The following CRIP3 variants were observed in gnomAD, a reference collection of about 807,000 sequenced individuals.
CRIP3 encodes the protein cysteine-rich protein 3.
CRIP3 carries 23 observed loss-of-function variants against 30.3 expected under a neutral mutation model. The ratio of observed to expected loss-of-function variants is 0.76; its 90% CI spans 0.55 to 1.08. The LOEUF is 1.08. Ranked by LOEUF, CRIP3 falls within the 50% of genes least tolerant of loss-of-function variation. CRIP3 has a pLI of 0.00. For missense variants in CRIP3, 261 were observed against 259.3 expected, an observed-to-expected ratio of 1.01 and a Z score of -0.04; for synonymous variants, 89 against 97.6, an observed-to-expected ratio of 0.91 and a Z score of 0.52.
chr6:43,308,026 G>A (rs1044128741), intron 2 of CRIP3, 130 bp from the exon 3 acceptor site: 1 of 994,798 alleles, frequency 1.0e-6, no homozygotes, highest in Non-Finnish European at 1.5e-6. Flanking sequence ...GAGGGGTGGG[G>A]GATGGGCTGG....
intron 4 of CRIP3, 181 bp from the exon 5 acceptor site, chr6:43,306,698 AT>A: frequency 3.3e-6 from 2 of 599,540 alleles, no homozygotes; most frequent in Non-Finnish European, 6.0e-6. Context: ...CTCCTGCCCC[AT>A]CCCTATGTGT....
At chr6:43,305,942 C>A in intron 7 of CRIP3, 67 bp from the exon 8 acceptor site, 1 of 1,611,874 alleles carries the variant, frequency 6.2e-7, no homozygotes, top group Non-Finnish European at 8.5e-7. Context: ...CTAGAGGGAA[C>A]TTGGTGGGGG....
At position 43,306,106 on chromosome 6, in the gene CRIP3, A is replaced by G; in HGVS notation, c.514T>C (p.Cys172Arg). The G allele has an allele frequency of 1.9e-6, 3 of 1,614,020 alleles. No homozygotes were observed. The highest frequency in any genetic ancestry group is 2.5e-6 in the Non-Finnish European group (3 of 1,179,986). Residue 172 changes from cysteine to arginine, a missense_variant, in exon 7 of 8, where the codon TGC becomes CGC. By Grantham distance (180) the Cys-to-Arg change is radical. Transcript: ENST00000372569. ...AGGTAGCCGTAGCAGGGGACGTGGC[A>G]GTAGGGGACTCCATCATGCTGAGAC... ...SHAEHDGVPYCHVPCYGYLFG... is the reference protein window; with the variant it reads ...SHAEHDGVPYRHVPCYGYLFG...
chr6:43,307,487 C>T, intron 4 of CRIP3, 125 bp downstream of exon 4: 1 of 962,384 alleles, frequency 1.0e-6, no homozygotes, highest in Non-Finnish European at 1.4e-6. Context: ...GAAGACTTTG[C>T]CAAGAATGAA....
Position 43,307,687 on chromosome 6 carries a change from C to T in CRIP3, c.253G>A (p.Gly85Ser). 6.5e-7 allele frequency: 1 copy of T among 1,530,604 alleles called. No homozygotes were observed. Among genetic ancestry groups the T allele is most frequent in the Middle Eastern group, 1.7e-4 (1 of 5,748 alleles). The allele number at this position is 1,530,604 out of a possible 1,614,324, so 94.8% of individuals were successfully genotyped here. A position where few individuals can be genotyped will look rare whatever the true frequency, so the allele number is the denominator to read the frequency against. Residue 85 changes from glycine (G) to serine (S), a missense_variant, in exon 4 of 8, where the codon GGC becomes AGC. Transcript: ENST00000372569. ...YLYNPPTPSP[G>S]CTTPLSPSSF... ...CTGGGGCTGAGAGGAGTGGTGCAGC[C>T]AGGGCTGGGAGTGGGGGGATTGTAC...
rs1562119508 is a variant in CRIP3 at position 43,307,715 on chromosome 6, G to A, written c.225C>T (p.Tyr75=). 2 of 1,575,922 alleles carry A rather than the reference G, an allele frequency of 1.3e-6. No homozygotes were observed. Among genetic ancestry groups the A allele is most frequent in the Non-Finnish European group, 1.7e-6 (2 of 1,157,036 alleles). Residue 75 remains tyrosine, a synonymous_variant, in exon 4 of 8, where the codon TAC becomes TAT. Transcript: ENST00000372569. ...RGVNIGGVGS[Y]LYNPPTPSPG... Reference sequence around the variant, plus strand: ...GGCTGGGAGTGGGGGGATTGTACAAGTAGGAGCCTACACCACCAATGTTCA... The same window carrying A: ...GGCTGGGAGTGGGGGGATTGTACAAATAGGAGCCTACACCACCAATGTTCA...
chr6:43,307,480 G>T (rs927953822), intron 4 of CRIP3, 132 bp downstream of exon 4: 6 of 861,092 alleles, frequency 7.0e-6, no homozygotes, highest in Non-Finnish European at 9.8e-6. Context: ...AGATAGAGAA[G>T]ACTTTGCCAA....
At chr6:43,307,991 C>G (rs1352037607) in intron 2 of CRIP3, 95 bp from the exon 3 acceptor site, 1 of 1,378,550 alleles carries the variant, frequency 7.3e-7, no homozygotes, top group African/African-American at 1.4e-5. Flanking sequence ...TGTGTCTGTC[C>G]ACTGGCTGAG....
rs778813010 is a variant in CRIP3 at position 43,308,287 on chromosome 6, A to G, written c.138+28T>C. The G allele has an allele frequency of 2.6e-6, 4 of 1,565,710 alleles. No individual in the cohort carries two copies. The South Asian group carries it at 4.6e-5, about 18-fold the overall frequency. On this transcript the variant is annotated intron_variant, in intron 2 of 7. Coordinates refer to ENST00000372569, the MANE Select transcript of CRIP3 (RefSeq NM_206922.3). ...GGGGGTGGGAGGCAGTGATGTAAAC[A>G]GGGCAGTGCTCCCTGGCCAGGTCTT...
intron 3 of CRIP3, 22 bp downstream of exon 3, chr6:43,307,817 G>A: frequency 6.2e-7 from 1 of 1,613,744 alleles, no homozygotes; most frequent in Non-Finnish European, 8.5e-7. Flanking sequence ...CTGACCCATG[G>A]CCCCTTAAGG....
At position 43,308,328 on chromosome 6, in the gene CRIP3, C is replaced by A; in HGVS notation, c.125G>T (p.Gly42Val). 1 of 1,612,466 alleles carries A rather than the reference C, an allele frequency of 6.2e-7. No individual in the cohort carries two copies. The highest frequency in any genetic ancestry group is 8.5e-7 in the Non-Finnish European group (1 of 1,179,524). The part of the protein sequence containing the change: ...CERCHSILSP[G>V]GHAEHNGRPY... ...GCCAGGTCTTACCTCTGCATGCCCGCCAGGGGACAGGATGCTGTGGCAGCG... is the reference window on the plus strand; with the variant it reads ...GCCAGGTCTTACCTCTGCATGCCCGACAGGGGACAGGATGCTGTGGCAGCG... The change falls in exon 2 of 8, where the codon GGC becomes GTC. Residue 42 changes from glycine to valine, a missense_variant. By Grantham distance (109) the Gly-to-Val change is moderately radical. Coordinates refer to ENST00000372569, the MANE Select transcript of CRIP3 (RefSeq NM_206922.3).
chr6:43,307,908 C>CAG lies in CRIP3; in HGVS notation c.139-14_139-13dup. On this transcript the variant is annotated splice_polypyrimidine_tract_variant and intron_variant, in intron 2 of 7. Transcript: ENST00000372569. ...GGCCTCCCATTGTGCTGGGCACAAG[C>CAG]AGAGGGAAGTGGGTTACTCAAGGCC... is the stretch of plus-strand genomic sequence containing the variant. 2 of 1,613,336 alleles carry CAG rather than the reference C, an allele frequency of 1.2e-6. No individual in the cohort carries two copies. The highest frequency in any genetic ancestry group is 1.7e-6 in the Non-Finnish European group (2 of 1,179,934).
rs1177346513 is a variant in CRIP3, at chr6:43,305,636, A to G, written c.*178T>C. On this transcript the variant is annotated 3_prime_UTR_variant, in exon 8 of 8. Transcript: ENST00000372569. Reference sequence around the variant, plus strand: ...GTTCCCTAACCAGATAGAAATGGGAAAGGGAAAAAATTGGCAGAGAAAGTC... The same window carrying G: ...GTTCCCTAACCAGATAGAAATGGGAGAGGGAAAAAATTGGCAGAGAAAGTC... 12 of 761,146 alleles carry G rather than the reference A, an allele frequency of 1.6e-5. No homozygotes were observed. The allele number at this position is 761,146 out of a possible 1,614,324, so 47.1% of individuals were successfully genotyped here.
intron 5 of CRIP3, 61 bp downstream of exon 5, chr6:43,306,385 C>T (rs899060993): frequency 1.2e-6 from 2 of 1,605,864 alleles, no homozygotes; most frequent in Non-Finnish European, 8.5e-7. Context: ...CCTTGGATCA[C>T]CTCCCTCCCC....
At chr6:43,308,618 G>T in intron 1 of CRIP3, 132 bp downstream of exon 1, 2 of 1,159,026 alleles carry the variant, frequency 1.7e-6, no homozygotes, top group Non-Finnish European at 2.5e-6. Flanking sequence ...GGAGCGGGTG[G>T]TGCGGAGACT....
chr6:43,307,672 G>A lies in CRIP3; in HGVS notation c.268C>T (p.Leu90Phe), dbSNP rs762623605. Residue 90 changes from leucine to phenylalanine, a missense_variant, in exon 4 of 8, where the codon CTC becomes TTC. Leu to Phe is a conservative substitution (Grantham distance 22, BLOSUM62 0). Transcript: ENST00000372569. ...GGAGGGCTGAAGCTGCTGGGGCTGA[G>A]AGGAGTGGTGCAGCCAGGGCTGGGA... The part of the protein sequence containing the change: ...PTPSPGCTTP[L>F]SPSSFSPPRP... 2 of 1,515,716 alleles carry A rather than the reference G, an allele frequency of 1.3e-6. No individual in the cohort carries two copies. Among genetic ancestry groups the A allele is most frequent in the Admixed American group, 4.3e-5 (2 of 46,094 alleles). 93.9% of individuals were successfully genotyped at this position (1,515,716 alleles called of 1,614,324 possible).
Position 43,306,258 on chromosome 6 carries a change from C to T in CRIP3, c.456G>A (p.Gln152=), listed in dbSNP as rs747534777. 1.1e-5 allele frequency: 18 copies of T among 1,614,096 alleles called. No homozygotes were observed. In the South Asian group the frequency reaches 1.2e-4, roughly 11 times the overall value. Residue 152 remains glutamine (Q), a synonymous_variant, in exon 6 of 8, where the codon CAG becomes CAA. Transcript: ENST00000372569. ...RNWHRPCLRC[Q]RCHKTLTAGS... ...CAGCAGTCAGGGTCTTGTGGCAACG[C>T]TGGCACCTCAGACACGGTCGGTGCC...
At position 43,306,499 on chromosome 6, in the gene CRIP3, G is replaced by A. The variant is rs1421810071; in HGVS notation, c.347C>T (p.Thr116Ile). The A allele has an allele frequency of 1.2e-6, 2 of 1,609,946 alleles. No individual in the cohort carries two copies. Among genetic ancestry groups the A allele is most frequent in the Admixed American group, 1.7e-5 (1 of 59,546 alleles). Residue 116 changes from threonine (T) to isoleucine (I), a missense_variant, in exon 5 of 8, where the codon ACA (threonine) becomes ATA (isoleucine). Thr to Ile is a moderately conservative substitution (Grantham distance 89, BLOSUM62 -1). Transcript: ENST00000372569. ...GCACAGCGAGGTCTCCCCAGTGAAT[G>A]TCTTCATATGGGGAGGGCCTTTAAA... is the stretch of plus-strand genomic sequence containing the variant. ...QGKKSPPHMKTFTGETSLCPG... is the reference protein window; with the variant it reads ...QGKKSPPHMKIFTGETSLCPG...
At chr6:43,306,359 T>C (rs771473394) in intron 5 of CRIP3, 46 bp from the exon 6 acceptor site, 21 of 1,603,562 alleles carry the variant, frequency 1.3e-5, no homozygotes, top group Admixed American at 5.0e-5. Flanking sequence ...AGGGGTAGAG[T>C]AGGGAGACCT....
Sources: allele counts gnomAD v4.1 joint callset, GRCh38; gene constraint gnomAD v4.1.1; transcripts MANE v1.5; gene names NCBI Gene and HGNC (gene_info 2026-07-23, HGNC 2026-07-21).